The following ATP1A4 variants were observed in gnomAD, a reference collection of about 807,000 sequenced individuals.
The protein encoded by ATP1A4 is ATPase Na+/K+ transporting subunit alpha 4, also known as sodium/potassium-transporting ATPase subunit alpha-4.
In ATP1A4, 90 loss-of-function variants were observed where a neutral mutation model predicts 114.3. The ratio of observed to expected loss-of-function variants is 0.79; its 90% confidence interval spans 0.66 to 0.94. The LOEUF is 0.94. Ranked by LOEUF, ATP1A4 falls within the 40% of genes least tolerant of loss-of-function variation. The pLI, the probability that ATP1A4 is intolerant of heterozygous loss-of-function variation, is 0.00. For missense variants in ATP1A4, 1,222 were observed against 1,313.6 expected, an observed-to-expected ratio of 0.93 and a Z score of 1.08; for synonymous variants, 511 against 494.1, an observed-to-expected ratio of 1.03 and a Z score of -0.45.
At chr1:160,166,816 G>T (rs999479105) in intron 8 of ATP1A4, 90 bp downstream of exon 8, 2 of 1,563,550 alleles carry the variant, frequency 1.3e-6, no homozygotes, top group African/African-American at 2.7e-5. Context: ...AGACAGACAG[G>T]AGGGAGCCTG....
chr1:160,181,841 A>G, intron 19 of ATP1A4, 27 bp downstream of exon 19: 1 of 1,611,850 alleles, frequency 6.2e-7, no homozygotes, highest in South Asian at 1.1e-5. Context: ...ACAGCCCAGC[A>G]CTCTCCCAAG....
intron 2 of ATP1A4, among the ~76,000 whole-genome samples, chr1:160,153,766 G>T (rs6697199): frequency 0.55 from 83,770 of 151,974 alleles, 23,551 homozygotes; most frequent in African/African-American, 0.64. Flanking sequence ...ATATTTTCTG[G>T]ATAAAATCTG....
intron 7 of ATP1A4, among the ~76,000 whole-genome samples, chr1:160,165,624 A>G (rs1450574058): frequency 7.2e-5 from 11 of 152,128 alleles, no homozygotes; most frequent in East Asian, 1.9e-4. Flanking sequence ...TTAGACAGGC[A>G]TGGTGGCTGG....
rs758607510 is a variant in ATP1A4 at position 160,151,783 on chromosome 1, C to G, written c.-258C>G. ...ACCCTAGGCTTCTCTCCTCCCTCTT[C>G]CCTCACTCCTGACTCTTCCTCTTCC... On this transcript the variant is annotated 5_prime_UTR_variant, in exon 1 of 22. Coordinates refer to ENST00000368081, the MANE Select transcript of ATP1A4 (RefSeq NM_144699.4). 7.3e-6 allele frequency: 3 copies of G among 409,086 alleles called. No individual in the cohort carries two copies. Among genetic ancestry groups the G allele is most frequent in the Non-Finnish European group, 1.3e-5 (3 of 226,332 alleles). The allele number at this position is 409,086 out of a possible 1,614,324, so 25.3% of individuals were successfully genotyped here. A position where few individuals can be genotyped will look rare whatever the true frequency, so the allele number is the denominator to read the frequency against.
At chr1:160,174,793 A>G (rs1396894634) in intron 15 of ATP1A4, 46 bp downstream of exon 15, 3 of 1,610,996 alleles carry the variant, frequency 1.9e-6, no homozygotes, top group Admixed American at 1.7e-5. Context: ...CCCTGGACTC[A>G]GGTGGGGGTT....
At chr1:160,160,123 C>T (rs1652816999) in intron 6 of ATP1A4, among the ~76,000 whole-genome samples, 2 of 152,156 alleles carry the variant, frequency 1.3e-5, no homozygotes, top group African/African-American at 4.8e-5. Flanking sequence ...TGCCCTTTCC[C>T]CTTAAGGAGG....
At chr1:160,156,256 G>A (rs1652657851) in intron 4 of ATP1A4, 98 bp downstream of exon 4, 4 of 826,936 alleles carry the variant, frequency 4.8e-6, no homozygotes, top group Admixed American at 2.0e-5. Flanking sequence ...TATGATAAGT[G>A]AGCTGAGTGA....
In ATP1A4 at chr1:160,186,980, A is replaced by C. The variant is rs1372756958; in HGVS notation, c.*281A>C. 6.1e-6 allele frequency: 3 copies of C among 490,862 alleles called. No homozygotes were observed. Among genetic ancestry groups the C allele is most frequent in the Non-Finnish European group, 1.1e-5 (3 of 268,668 alleles). 30.4% of individuals were successfully genotyped at this position (490,862 alleles called of 1,614,324 possible). On this transcript the variant is annotated 3_prime_UTR_variant, in exon 22 of 22. Coordinates refer to ENST00000368081, the MANE Select transcript of ATP1A4 (RefSeq NM_144699.4). ...GTAAATGTCTGGAAAAGCCCTCACC[A>C]GCTGGATGTGTCAAATCTGATCTTG...
intron 6 of ATP1A4, among the ~76,000 whole-genome samples, chr1:160,161,507 A>G (rs1016761308): frequency 1.3e-5 from 2 of 152,156 alleles, no homozygotes; most frequent in Admixed American, 1.3e-4. Flanking sequence ...ACACACTGAG[A>G]TTAATTATTA....
chr1:160,174,054 G>A lies in ATP1A4; in HGVS notation c.1992-57G>A, dbSNP rs539409694. On this transcript the variant is annotated intron_variant, in intron 13 of 21. Coordinates refer to ENST00000368081, the MANE Select transcript of ATP1A4 (RefSeq NM_144699.4). ...AAGCTATAGTCAAGATGGGCACCAA[G>A]ACCCCTGGTGAATTCTCAACACTCA... 4.4e-6 allele frequency: 7 copies of A among 1,589,084 alleles called. No homozygotes were observed. The South Asian group carries it at 8.0e-5, about 18-fold the overall frequency.
At position 160,166,608 on chromosome 1, in the gene ATP1A4, C is replaced by T. The variant is rs1162715579; in HGVS notation, c.1128C>T (p.Gly376=). 10 of 1,614,206 alleles carry T rather than the reference C, an allele frequency of 6.2e-6. No homozygotes were observed. Among genetic ancestry groups the T allele is most frequent in the Non-Finnish European group, 7.6e-6 (9 of 1,180,040 alleles). ...VKNLEAVETL[G]STSTICSDKT... ...ACCTGGAGGCGGTGGAGACGCTGGGCTCCACGTCCACCATCTGCTCAGACA... is the reference window on the plus strand; with the variant it reads ...ACCTGGAGGCGGTGGAGACGCTGGGTTCCACGTCCACCATCTGCTCAGACA... Residue 376 remains glycine, a synonymous_variant, in exon 8 of 22, where the codon GGC becomes GGT. Coordinates refer to ENST00000368081, the MANE Select transcript of ATP1A4 (RefSeq NM_144699.4).
At chr1:160,158,864 C>A in intron 4 of ATP1A4, 138 bp from the exon 5 acceptor site, 1 of 927,912 alleles carries the variant, frequency 1.1e-6, no homozygotes, top group South Asian at 1.9e-5. Context: ...GCCAAAGACA[C>A]CTTCAAGAAT....
chr1:160,180,777 T>TGC (rs1491149209), intron 18 of ATP1A4, among the ~76,000 whole-genome samples: 55,640 of 141,006 alleles, frequency 0.39, 12,223 homozygotes, highest in Middle Eastern at 0.48. Context: ...TGCAGTGGCA[T>TGC]GATCTCGGCT....
chr1:160,179,005 A>G (rs2101653696), intron 18 of ATP1A4, among the ~76,000 whole-genome samples: 1 of 152,336 alleles, frequency 6.6e-6, no homozygotes. Context: ...ATCTAGGAAG[A>G]TTCTGTAACT....
intron 20 of ATP1A4, among the ~76,000 whole-genome samples, chr1:160,184,172 C>G (rs2101660699): frequency 6.6e-6 from 1 of 152,108 alleles, no homozygotes; most frequent in Admixed American, 6.5e-5. Context: ...AGGCTGGTCT[C>G]GAACTCCTGA....
intron 6 of ATP1A4, among the ~76,000 whole-genome samples, chr1:160,163,774 A>T (rs1391498770): frequency 6.6e-6 from 1 of 152,128 alleles, no homozygotes; most frequent in Non-Finnish European, 1.5e-5. Flanking sequence ...CTCCCTTCCA[A>T]AGAGGTCAGT....
intron 4 of ATP1A4, among the ~76,000 whole-genome samples, chr1:160,156,435 T>C (rs1195093785): frequency 6.6e-6 from 1 of 151,876 alleles, no homozygotes; most frequent in Non-Finnish European, 1.5e-5. Flanking sequence ...AACATTCTAT[T>C]TTTTTAAAGA....
Position 160,186,721 on chromosome 1 carries a change from A to C in ATP1A4, c.*22A>C, listed in dbSNP as rs1180340805. ...CTAAACTCAGCAGATGAAGAGCTTC[A>C]TGTGACACAGGGGTGTTGTGAGAGC... On this transcript the variant is annotated 3_prime_UTR_variant, in exon 22 of 22. Coordinates refer to ENST00000368081, the MANE Select transcript of ATP1A4 (RefSeq NM_144699.4). The C allele has an allele frequency of 6.2e-7, 1 of 1,608,256 alleles. No individual in the cohort carries two copies. Among genetic ancestry groups the C allele is most frequent in the Non-Finnish European group, 8.5e-7 (1 of 1,177,196 alleles).
In ATP1A4 at chr1:160,159,455, C is replaced by G. The variant is rs779315936; in HGVS notation, c.707C>G (p.Ser236Cys). The change falls in exon 6 of 22, where the codon TCC (serine) becomes TGC (cysteine). Residue 236 changes from serine to cysteine, a missense_variant. Physicochemically the swap from Ser to Cys is moderately radical, Grantham distance 112. Coordinates refer to ENST00000368081, the MANE Select transcript of ATP1A4 (RefSeq NM_144699.4). ...LTGESEPQSR[S>C]PDFTHENPLE... is the part of the protein sequence containing the mutation. ...GGGGAGTCAGAACCCCAGAGCCGCT[C>G]CCCTGACTTCACCCATGAGAACCCT... 3.1e-6 allele frequency: 5 copies of G among 1,613,914 alleles called. No individual in the cohort carries two copies. Among genetic ancestry groups the G allele is most frequent in the Non-Finnish European group, 3.4e-6 (4 of 1,179,960 alleles).
Sources: allele counts gnomAD v4.1 joint callset (sites outside exome capture counted in the v4.1 genomes callset), GRCh38; gene constraint gnomAD v4.1.1; transcripts MANE v1.5; gene names NCBI Gene and HGNC (gene_info 2026-07-23, HGNC 2026-07-21).